The following TKT variants were observed in gnomAD, a reference collection of about 807,000 sequenced individuals.
TKT encodes the protein transketolase.
TKT carries 47 observed loss-of-function variants against 63.9 expected under a neutral mutation model. That is an observed-to-expected ratio of 0.74 (90% CI 0.58 to 0.94). The LOEUF (loss-of-function observed/expected upper bound fraction) is 0.94, where lower values mean the gene tolerates loss of function less well. Ranked by LOEUF, TKT falls within the 40% of genes least tolerant of loss-of-function variation. TKT has a pLI of 0.00. For synonymous variants in TKT, 338 were observed against 334.1 expected, an observed-to-expected ratio of 1.01 and a Z score of -0.13; for missense variants, 721 against 846.2, an observed-to-expected ratio of 0.85 and a Z score of 1.84.
chr3:53,241,499 G>A (rs560156379), intron 2 of TKT, among the ~76,000 whole-genome samples: 37 of 152,358 alleles, frequency 2.4e-4, no homozygotes, highest in African/African-American at 7.9e-4. Context: ...GAGGCTGGAC[G>A]AAGCCAAAAC....
chr3:53,226,991 G>A, intron 12 of TKT, 113 bp from the exon 13 acceptor site: 1 of 1,360,474 alleles, frequency 7.4e-7, no homozygotes, highest in Non-Finnish European at 9.9e-7. Flanking sequence ...AGCTCAGCCT[G>A]CGGGCCTGTC....
intron 8 of TKT, among the ~76,000 whole-genome samples, chr3:53,229,963 T>C (rs1485434056): frequency 6.6e-6 from 1 of 152,146 alleles, no homozygotes. Context: ...GACAAAACAT[T>C]GTTCCTTACT....
At chr3:53,233,987 T>A (rs73840260) in intron 5 of TKT, 1 of 152,156 alleles carries the variant, frequency 6.6e-6, no homozygotes, top group Non-Finnish European at 1.5e-5. Flanking sequence ...ACAAAGCAAG[T>A]TAGCGGTGGA....
intron 1 of TKT, among the ~76,000 whole-genome samples, chr3:53,250,223 G>A (rs782022826): frequency 1.3e-5 from 2 of 152,180 alleles, no homozygotes; most frequent in Non-Finnish European, 2.9e-5. Context: ...GATGGGTCCT[G>A]AGGCAGCCCA....
chr3:53,237,704 C>T (rs1022110024), intron 4 of TKT: 3 of 152,152 alleles, frequency 2.0e-5, no homozygotes, highest in African/African-American at 7.2e-5. Context: ...GGGCAGATCA[C>T]AAGGTCAGGA....
intron 5 of TKT, chr3:53,233,546 A>G: frequency 2.9e-6 from 1 of 348,542 alleles, no homozygotes; most frequent in Non-Finnish European, 5.2e-6. Flanking sequence ...CAGTTCCTTT[A>G]TTGTCTCTTT....
At chr3:53,237,434 T>C (rs1374711335) in intron 4 of TKT, among the ~76,000 whole-genome samples, 1 of 150,284 alleles carries the variant, frequency 6.7e-6, no homozygotes, top group Admixed American at 6.7e-5. Context: ...ACTGTTAATA[T>C]CAGGAGAAAA....
chr3:53,236,179 G>T (rs1025083634), intron 4 of TKT, among the ~76,000 whole-genome samples: 1 of 152,232 alleles, frequency 6.6e-6, no homozygotes, highest in African/African-American at 2.4e-5. Context: ...AAATGAGGCT[G>T]GTGCCTGGTT....
chr3:53,228,006 A>G (rs1553675934), intron 12 of TKT, 50 bp downstream of exon 12: 1 of 1,506,192 alleles, frequency 6.6e-7, no homozygotes, highest in Non-Finnish European at 9.2e-7. Context: ...CCCAAGACCT[A>G]GCATGCAGTG....
rs1292206964 is a variant in TKT, at chr3:53,231,742, C to T, written c.749-192G>A. Reference sequence around the variant, plus strand: ...TCGCAGTGAATAGGATGGACTCCTACGTGCCCACCACTCACTGTCTACTGC... The same window carrying T: ...TCGCAGTGAATAGGATGGACTCCTATGTGCCCACCACTCACTGTCTACTGC... On this transcript the variant is annotated intron_variant, in intron 6 of 13. Coordinates refer to ENST00000462138, the MANE Select transcript of TKT (RefSeq NM_001064.4). The T allele has an allele frequency of 2.8e-5, 17 of 598,166 alleles. No individual in the cohort carries two copies. In the Middle Eastern group the frequency reaches 1.3e-3, roughly 47 times the overall value. 37.1% of individuals were successfully genotyped at this position (598,166 alleles called of 1,614,324 possible).
intron 13 of TKT, 176 bp from the exon 14 acceptor site, chr3:53,226,107 A>G (rs998963479): frequency 1.2e-5 from 7 of 563,730 alleles, no homozygotes; most frequent in Admixed American, 1.1e-4. Context: ...AAAGAGACAG[A>G]CAGGTATCAC....
At chr3:53,241,769 A>G (rs782227393) in intron 2 of TKT, 2 of 322,244 alleles carry the variant, frequency 6.2e-6, no homozygotes, top group Non-Finnish European at 1.2e-5. Flanking sequence ...ACACAGATAG[A>G]GCAGGTAGGG....
chr3:53,241,317 C>T, intron 2 of TKT, 72 bp from the exon 3 acceptor site: 1 of 1,386,842 alleles, frequency 7.2e-7, no homozygotes, highest in Non-Finnish European at 9.7e-7. Context: ...CTACTTCACA[C>T]TGACCCCTGG....
intron 1 of TKT, among the ~76,000 whole-genome samples, chr3:53,254,500 G>A (rs1259334981): frequency 3.3e-5 from 5 of 152,232 alleles, no homozygotes; most frequent in East Asian, 1.9e-4. Flanking sequence ...CACCCAGAAA[G>A]GTGAACAGAT....
chr3:53,235,940 C>CG, intron 4 of TKT, among the ~76,000 whole-genome samples: 1 of 152,004 alleles, frequency 6.6e-6, no homozygotes, highest in Non-Finnish European at 1.5e-5. Flanking sequence ...AGAACGTTCC[C>CG]GGCCTGGGAG....
intron 1 of TKT, among the ~76,000 whole-genome samples, chr3:53,250,263 C>T (rs1385762535): frequency 2.0e-5 from 3 of 152,152 alleles, no homozygotes; most frequent in African/African-American, 4.8e-5. Flanking sequence ...AGAGGCGGAG[C>T]CACATGGGGC....
At chr3:53,253,263 A>G (rs1421637845) in intron 1 of TKT, among the ~76,000 whole-genome samples, 1 of 152,086 alleles carries the variant, frequency 6.6e-6, no homozygotes, top group African/African-American at 2.4e-5. Flanking sequence ...ATGTAACACC[A>G]TGCCCAACTA....
Position 53,242,057 on chromosome 3 carries a change from C to G in TKT, c.225+68G>C. ...CCAGGTCTCCTCAAAGACCACTCAC[C>G]ATTCCAGGGCCCGTGTGACCCTAGT... is the stretch of plus-strand genomic sequence containing the variant. On this transcript the variant is annotated intron_variant, in intron 2 of 13. Transcript: ENST00000462138. 2.7e-6 allele frequency: 4 copies of G among 1,472,042 alleles called. No individual in the cohort carries two copies. In the South Asian group the frequency reaches 4.5e-5, roughly 17 times the overall value. 91.2% of individuals were successfully genotyped at this position (1,472,042 alleles called of 1,614,324 possible).
Position 53,255,891 on chromosome 3 carries a change from T to A in TKT, c.52A>T (p.Thr18Ser). 4 of 1,550,870 alleles carry A rather than the reference T, an allele frequency of 2.6e-6. No homozygotes were observed. The highest frequency in any genetic ancestry group is 3.5e-6 in the Non-Finnish European group (4 of 1,149,242). The change falls in exon 1 of 14, where the codon ACG (threonine) becomes TCG (serine). Residue 18 changes from threonine (T) to serine (S), a missense_variant. Thr to Ser is a moderately conservative substitution (Grantham distance 58). Coordinates refer to ENST00000462138, the MANE Select transcript of TKT (RefSeq NM_001064.4). ...DQQKLQALKD[T>S]ANRLRISSIQ... Reference sequence around the variant, plus strand: ...GAGCTGATACGTAGGCGGTTGGCCGTGTCCTTCAAGGCCTGCAGCTTCTGC... The same window carrying A: ...GAGCTGATACGTAGGCGGTTGGCCGAGTCCTTCAAGGCCTGCAGCTTCTGC...
Sources: allele counts gnomAD v4.1 joint callset (sites outside exome capture counted in the v4.1 genomes callset), GRCh38; gene constraint gnomAD v4.1.1; transcripts MANE v1.5; gene names NCBI Gene and HGNC (gene_info 2026-07-23, HGNC 2026-07-21).